P4HA3: variants seen among roughly 807,000 people sequenced by gnomAD.
P4HA3 encodes the protein prolyl 4-hydroxylase subunit alpha 3.
P4HA3 carries 60 observed loss-of-function variants against 66.7 expected under a neutral mutation model. The observed-to-expected ratio is 0.90, with a 90% CI of 0.73 to 1.12. The LOEUF is 1.12. P4HA3 is among the 50% of genes most tolerant of loss of function. The pLI, the probability that P4HA3 is intolerant of heterozygous loss-of-function variation, is 0.00. For missense variants in P4HA3, 683 were observed against 685.8 expected (o/e 1.00, Z 0.05); for synonymous variants, 263 against 274.6 (o/e 0.96, Z 0.42).
intron 10 of P4HA3, 34 bp downstream of exon 10, chr11:74,273,511 A>G (rs764264450): frequency 7.0e-7 from 1 of 1,432,460 alleles, no homozygotes; most frequent in Non-Finnish European, 9.3e-7. Context: ...AGCTATAGTC[A>G]GTCATGAAGT....
chr11:74,290,825 A>C (rs933637275), intron 4 of P4HA3, among the ~76,000 whole-genome samples: 101 of 152,272 alleles, frequency 6.6e-4, no homozygotes, highest in Non-Finnish European at 1.2e-3. Context: ...GGTACCAGTA[A>C]CAGGCTGTTT....
chr11:74,280,217 G>T (rs181799529), intron 7 of P4HA3, among the ~76,000 whole-genome samples: 4 of 151,942 alleles, frequency 2.6e-5, no homozygotes, highest in Non-Finnish European at 5.9e-5. Flanking sequence ...GCACTAGTAC[G>T]ATCATAGCTC....
At chr11:74,277,278 G>C in intron 8 of P4HA3, 134 bp from the exon 9 acceptor site, 2 of 1,170,056 alleles carry the variant, frequency 1.7e-6, no homozygotes, top group South Asian at 3.0e-5. Context: ...AGGAAAGAGA[G>C]GGAGGGAAGA....
chr11:74,250,809 A>G lies in P4HA3; in HGVS notation c.*1319-2808T>C, dbSNP rs1591073245. On this transcript the variant is annotated intron_variant and NMD_transcript_variant, in intron 15 of 15. Transcript: ENST00000524388. ...TACAATTACTTGTATTACCATCCTC[A>G]GCAAGACTTGATAATTGGGTCCAGA... 3 of 654,456 alleles carry G rather than the reference A, an allele frequency of 4.6e-6. No homozygotes were observed. In the East Asian group the frequency reaches 8.2e-5, roughly 18 times the overall value. The allele number at this position is 654,456 out of a possible 1,614,324, so 40.5% of individuals were successfully genotyped here. A position where few individuals can be genotyped will look rare whatever the true frequency, so the allele number is the denominator to read the frequency against.
At chr11:74,256,983 G>A (rs1460816832) in intron 15 of P4HA3, among the ~76,000 whole-genome samples, 2 of 151,998 alleles carry the variant, frequency 1.3e-5, no homozygotes, top group Non-Finnish European at 2.9e-5. Flanking sequence ...TTTGTAGACA[G>A]AGGTAAATAA....
At chr11:74,296,087 T>A (rs553977220) in intron 4 of P4HA3, among the ~76,000 whole-genome samples, 1 of 152,234 alleles carries the variant, frequency 6.6e-6, no homozygotes, top group Non-Finnish European at 1.5e-5. Context: ...TATGTATGTA[T>A]CATGTAATAA....
intron 4 of P4HA3, 30 bp downstream of exon 4, chr11:74,298,182 A>G (rs772199127): frequency 1.2e-6 from 2 of 1,604,842 alleles, no homozygotes; most frequent in African/African-American, 2.7e-5. Context: ...TTAGTATAAT[A>G]AAAGCAGTGA....
chr11:74,277,154 AC>A lies in P4HA3; in HGVS notation c.1176-11del. 6.2e-7 allele frequency: 1 copy of A among 1,605,924 alleles called. No homozygotes were observed. The highest frequency in any genetic ancestry group is 8.5e-7 in the Non-Finnish European group (1 of 1,175,008). ...GTCCTTCAGCCAGGCACTAAAACAC[AC>A]CACAGATTGAAGCATCAATGATCTG... On this transcript the variant is annotated splice_polypyrimidine_tract_variant and intron_variant, in intron 8 of 12. Transcript: ENST00000331597.
chr11:74,269,481 G>A (rs899240528), intron 11 of P4HA3, among the ~76,000 whole-genome samples, 171 bp downstream of exon 11: 1 of 152,248 alleles, frequency 6.6e-6, no homozygotes, highest in African/African-American at 2.4e-5. Flanking sequence ...TGACGAGCAT[G>A]TGTGCGGTAG....
intron 10 of P4HA3, among the ~76,000 whole-genome samples, chr11:74,272,303 G>A (rs1356282850): frequency 7.9e-5 from 12 of 152,104 alleles, no homozygotes; most frequent in Non-Finnish European, 1.5e-5. Context: ...TATAGTAACT[G>A]GGGCCCTGTA....
intron 1 of P4HA3, 82 bp downstream of exon 1, chr11:74,311,330 C>T: frequency 1.5e-6 from 2 of 1,366,872 alleles, no homozygotes; most frequent in Non-Finnish European, 1.9e-6. Context: ...CCTGGGGTCA[C>T]ACTCAACCTG....
At chr11:74,282,833 T>C (rs533452763) in intron 7 of P4HA3, among the ~76,000 whole-genome samples, 1 of 151,946 alleles carries the variant, frequency 6.6e-6, no homozygotes, top group Non-Finnish European at 1.5e-5. Flanking sequence ...AAACAACCAG[T>C]GAGAAAAAGC....
chr11:74,250,803 AT>A (rs1859637303), intron 15 of P4HA3: 1 of 635,194 alleles, frequency 1.6e-6, no homozygotes. Flanking sequence ...TTGTATTACC[AT>A]CCTCAGCAAG....
chr11:74,266,220 A>G (rs1859988946), downstream of P4HA3, among the ~76,000 whole-genome samples: 1 of 152,166 alleles, frequency 6.6e-6, no homozygotes. Flanking sequence ...CACCGAGATT[A>G]CAGCATAAAT....
At chr11:74,306,015 T>C (rs1336398550) in intron 1 of P4HA3, among the ~76,000 whole-genome samples, 1 of 152,110 alleles carries the variant, frequency 6.6e-6, no homozygotes, top group Non-Finnish European at 1.5e-5. Flanking sequence ...GTGAGAGTGG[T>C]ACTGTTGAAA....
intron 15 of P4HA3, chr11:74,253,733 C>T: frequency 1.6e-6 from 1 of 609,686 alleles, no homozygotes; most frequent in East Asian, 2.8e-5. Context: ...CAGGGCTCCC[C>T]TGCTCCTTTC....
At chr11:74,285,549 G>A (rs1052407513) in intron 7 of P4HA3, 4 of 371,768 alleles carry the variant, frequency 1.1e-5, no homozygotes, top group East Asian at 9.6e-5. Context: ...CATGTACCAC[G>A]TCCCTAACAA....
intron 2 of P4HA3, among the ~76,000 whole-genome samples, chr11:74,302,880 CTTCTTT>C (rs988649844): frequency 2.4e-4 from 37 of 152,228 alleles, no homozygotes; most frequent in African/African-American, 7.5e-4. Context: ...GGAGACAACT[CTTCTTT>C]TTCTTTTTCT....
chr11:74,297,126 T>C (rs564631212), intron 4 of P4HA3, among the ~76,000 whole-genome samples: 58 of 152,068 alleles, frequency 3.8e-4, no homozygotes, highest in African/African-American at 1.4e-3. Flanking sequence ...TTTGTTTTGT[T>C]TGTTTTTAGT....
Sources: gnomAD v4.1 joint callset for allele counts (sites outside exome capture counted in the v4.1 genomes callset) on GRCh38, gnomAD v4.1.1 for gene constraint, MANE v1.5 for transcripts, NCBI Gene and HGNC (gene_info 2026-07-23, HGNC 2026-07-21) for gene names.